CYTH1: variants seen among roughly 807,000 people sequenced by gnomAD.
CYTH1 encodes the protein cytohesin-1.
Under a neutral mutation model 61.8 loss-of-function variants are expected in CYTH1, and 18 were observed. That is an observed-to-expected ratio of 0.29 (90% CI 0.20 to 0.43). The LOEUF (loss-of-function observed/expected upper bound fraction) is 0.43. Ranked by LOEUF, CYTH1 falls within the 20% of genes least tolerant of loss-of-function variation. The pLI, the probability that CYTH1 is intolerant of heterozygous loss-of-function variation, is 1.00. For synonymous variants in CYTH1, 174 were observed against 184.3 expected, an observed-to-expected ratio of 0.94 and a Z score of 0.45; for missense variants, 336 against 510.5, an observed-to-expected ratio of 0.66 and a Z score of 3.29.
At chr17:78,754,762 CATACTT>C (rs2093394289) in intron 1 of CYTH1, among the ~76,000 whole-genome samples, 1 of 152,122 alleles carries the variant, frequency 6.6e-6, no homozygotes, top group Non-Finnish European at 1.5e-5. Context: ...TGCAAAATAA[CATACTT>C]ATAAAAATCT....
At chr17:78,782,031 C>T (rs2093520803) in intron 1 of CYTH1, among the ~76,000 whole-genome samples, 171 bp downstream of exon 1, 2 of 151,342 alleles carry the variant, frequency 1.3e-5, no homozygotes, top group African/African-American at 4.8e-5. Context: ...CCCTGCGACC[C>T]CCGCCCCGCG....
chr17:78,707,229 A>C (rs879696331), intron 3 of CYTH1, among the ~76,000 whole-genome samples: 4 of 152,192 alleles, frequency 2.6e-5, no homozygotes, highest in Non-Finnish European at 5.9e-5. Flanking sequence ...ACAACAAATC[A>C]AACAGTCCTA....
chr17:78,763,505 C>T (rs1322320435), intron 1 of CYTH1, among the ~76,000 whole-genome samples: 2 of 151,872 alleles, frequency 1.3e-5, no homozygotes, highest in Non-Finnish European at 2.9e-5. Context: ...AGTAGTGAAC[C>T]CTATATACAA....
chr17:78,744,346 G>A (rs2093352017), intron 1 of CYTH1, among the ~76,000 whole-genome samples: 1 of 152,070 alleles, frequency 6.6e-6, no homozygotes, highest in Non-Finnish European at 1.5e-5. Context: ...GAATTTGGGG[G>A]TAAATCATTT....
At position 78,781,073 on chromosome 17, in the gene CYTH1, G is replaced by A. The variant is rs552274043; in HGVS notation, c.22+1129C>T. On this transcript the variant is annotated intron_variant, in intron 1 of 13. Coordinates refer to ENST00000446868, the MANE Select transcript of CYTH1 (RefSeq NM_004762.6). ...TAAAATAAAAAATTAGCCGGGCATG[G>A]TGGCGTGCGTATGGTTCCAGCCACT... Among the ~76,000 whole-genome samples the A allele has an allele frequency of 4.0e-4, 61 of 151,620 alleles. No homozygotes were observed. The South Asian group carries it at 9.1e-3, about 23-fold the overall frequency.
chr17:78,676,246 AG>A, intron 13 of CYTH1, 77 bp from the exon 14 acceptor site: 3 of 1,454,238 alleles, frequency 2.1e-6, no homozygotes. Flanking sequence ...GGGGATTCTC[AG>A]GGGCCCCTCG....
intron 1 of CYTH1, among the ~76,000 whole-genome samples, chr17:78,714,969 C>T (rs1598872472): frequency 6.6e-6 from 1 of 151,924 alleles, no homozygotes; most frequent in Non-Finnish European, 1.5e-5. Context: ...TTGTCCCCCA[C>T]ATCAAAAAAG....
At chr17:78,682,888 G>GA (rs905254656) in intron 11 of CYTH1, among the ~76,000 whole-genome samples, 7 of 152,196 alleles carry the variant, frequency 4.6e-5, no homozygotes, top group African/African-American at 1.7e-4. Flanking sequence ...TTCCAACCTG[G>GA]AAACACATCC....
At chr17:78,773,607 C>T (rs1282967213) in intron 1 of CYTH1, among the ~76,000 whole-genome samples, 4 of 146,442 alleles carry the variant, frequency 2.7e-5, no homozygotes, top group Admixed American at 6.9e-5. Context: ...GCAGCCTGGG[C>T]GACAGAGCAA....
chr17:78,714,110 T>C (rs1419431666), intron 1 of CYTH1, among the ~76,000 whole-genome samples: 3 of 151,930 alleles, frequency 2.0e-5, no homozygotes, highest in African/African-American at 7.3e-5. Context: ...ACCAACAAGG[T>C]GAAACCCCGT....
At chr17:78,720,942 T>C (rs571101901) in intron 1 of CYTH1, among the ~76,000 whole-genome samples, 6 of 152,372 alleles carry the variant, frequency 3.9e-5, no homozygotes, top group Admixed American at 2.0e-4. Context: ...CTGCTTACCT[T>C]AGTTCCTTTC....
At chr17:78,724,706 C>T (rs1486191533) in intron 1 of CYTH1, among the ~76,000 whole-genome samples, 1 of 152,198 alleles carries the variant, frequency 6.6e-6, no homozygotes, top group Non-Finnish European at 1.5e-5. Context: ...CCATACCCTC[C>T]CTCCTTTCCA....
In CYTH1 at chr17:78,675,815, C is replaced by A; in HGVS notation, c.*276G>T. ...GCTACCAGAACACTGAGCAGAGAAACTGGCCAGGAGGCTGCCCTGCCGACA... is the reference window on the plus strand; with the variant it reads ...GCTACCAGAACACTGAGCAGAGAAAATGGCCAGGAGGCTGCCCTGCCGACA... On this transcript the variant is annotated 3_prime_UTR_variant, in exon 14 of 14. Coordinates refer to ENST00000446868, the MANE Select transcript of CYTH1 (RefSeq NM_004762.6). The A allele has an allele frequency of 7.1e-7, 1 of 1,399,130 alleles. No homozygotes were observed. Among genetic ancestry groups the A allele is most frequent in the Non-Finnish European group, 9.4e-7 (1 of 1,059,796 alleles). The allele number at this position is 1,399,130 out of a possible 1,614,324, so 86.7% of individuals were successfully genotyped here.
chr17:78,764,456 C>T (rs1043003281), intron 1 of CYTH1, among the ~76,000 whole-genome samples: 4 of 151,914 alleles, frequency 2.6e-5, no homozygotes, highest in African/African-American at 4.8e-5. Flanking sequence ...CCACCGCGCC[C>T]GGCCTAAATG....
At chr17:78,721,782 G>A (rs904611111) in intron 1 of CYTH1, among the ~76,000 whole-genome samples, 8 of 152,084 alleles carry the variant, frequency 5.3e-5, no homozygotes, top group Admixed American at 2.6e-4. Context: ...AGTGGCTCAC[G>A]CCTGTAATCC....
intron 1 of CYTH1, among the ~76,000 whole-genome samples, chr17:78,727,152 G>A (rs1567863001): frequency 6.6e-6 from 1 of 152,214 alleles, no homozygotes; most frequent in Non-Finnish European, 1.5e-5. Flanking sequence ...AATTCACAAT[G>A]CTGCTCAAAG....
rs111604142 is a variant in CYTH1, at chr17:78,770,441, C to T, written c.22+11761G>A. 3.8e-3 allele frequency among the ~76,000 whole-genome samples: 574 copies of T among 150,252 alleles called. 3 individuals carry two copies. Among genetic ancestry groups the T allele is most frequent in the African/African-American group, 0.013 (546 of 40,650 alleles). On this transcript the variant is annotated intron_variant, in intron 1 of 13. Coordinates refer to ENST00000446868, the MANE Select transcript of CYTH1 (RefSeq NM_004762.6). ...TTGTTTTGTTTTGTTTTGTTTGAGACGGAGCCTCACTCTGTCACCCAGGCG... is the reference window on the plus strand; with the variant it reads ...TTGTTTTGTTTTGTTTTGTTTGAGATGGAGCCTCACTCTGTCACCCAGGCG...
Position 78,782,263 on chromosome 17 carries a change from C to T in CYTH1, c.-40G>A. ...GCTCCGCGCTCCGGCTCGCCGCTCG[C>T]GTCCCGCCGCGCCACCCGCGCCCCC... On this transcript the variant is annotated 5_prime_UTR_variant, in exon 1 of 14. Coordinates refer to ENST00000446868, the MANE Select transcript of CYTH1 (RefSeq NM_004762.6). 8.2e-7 allele frequency: 1 copy of T among 1,225,034 alleles called. No individual in the cohort carries two copies. The highest frequency in any genetic ancestry group is 1.0e-6 in the Non-Finnish European group (1 of 970,758). The allele number at this position is 1,225,034 out of a possible 1,614,324, so 75.9% of individuals were successfully genotyped here.
chr17:78,676,864 T>A (rs2092705698), intron 13 of CYTH1: 1 of 393,454 alleles, frequency 2.5e-6, no homozygotes, highest in South Asian at 1.9e-5. Flanking sequence ...ATGTCTGCCA[T>A]TCTCGACTTT....
Sources: allele counts gnomAD v4.1 joint callset (sites outside exome capture counted in the v4.1 genomes callset), GRCh38; gene constraint gnomAD v4.1.1; transcripts MANE v1.5; gene names NCBI Gene and HGNC (gene_info 2026-07-23, HGNC 2026-07-21).